Variants in FAM107A observed in about 807,000 individuals in gnomAD.
The protein encoded by FAM107A is family with sequence similarity 107 member A, also known as actin-associated protein FAM107A.
FAM107A carries 19 observed loss-of-function variants against 13.7 expected under a neutral mutation model. That is an observed-to-expected ratio of 1.38 (90% CI 0.97 to 2.03). The LOEUF is 2.03. FAM107A is among the 30% of genes most tolerant of loss of function. The pLI, the probability that FAM107A is intolerant of heterozygous loss-of-function variation, is 0.00. For synonymous variants in FAM107A, 82 were observed against 74.5 expected, an observed-to-expected ratio of 1.10 and a Z score of -0.52; for missense variants, 203 against 184.4, an observed-to-expected ratio of 1.10 and a Z score of -0.58.
At chr3:58,605,422 CCTTTTG>C (rs2065785171) in intron 1 of FAM107A, among the ~76,000 whole-genome samples, 1 of 152,190 alleles carries the variant, frequency 6.6e-6, no homozygotes, top group Admixed American at 6.5e-5. Flanking sequence ...CTTGCAGATT[CCTTTTG>C]CTTTAGTTGC....
At chr3:58,579,171 T>C (rs1167781050), upstream of FAM107A, among the ~76,000 whole-genome samples, 1 of 151,994 alleles carries the variant, frequency 6.6e-6, no homozygotes, top group Non-Finnish European at 1.5e-5. Context: ...TCTGTACACA[T>C]GGGAGAGTCT....
intron 3 of FAM107A, 86 bp downstream of exon 3, chr3:58,567,122 T>C: frequency 6.7e-7 from 1 of 1,495,324 alleles, no homozygotes; most frequent in East Asian, 2.3e-5. Flanking sequence ...TCCTCTTCCC[T>C]CTTACTAGCT....
At chr3:58,587,009 C>T in exon 1 of FAM107A, 1 of 1,414,150 alleles carries the variant, frequency 7.1e-7, no homozygotes, top group South Asian at 1.4e-5. Context: ...AGTCCGGAGC[C>T]GAAGCGCCTC....
intron 1 of FAM107A, among the ~76,000 whole-genome samples, chr3:58,620,618 G>T (rs2065945395): frequency 6.6e-6 from 1 of 152,256 alleles, no homozygotes; most frequent in Non-Finnish European, 1.5e-5. Context: ...GGCTGTGAGG[G>T]ATGACGCTGT....
At chr3:58,599,002 T>C (rs1262159280) in intron 1 of FAM107A, among the ~76,000 whole-genome samples, 1 of 152,186 alleles carries the variant, frequency 6.6e-6, no homozygotes, top group Non-Finnish European at 1.5e-5. Flanking sequence ...AGTGCGATGC[T>C]GGGATCTCGG....
intron 1 of FAM107A, among the ~76,000 whole-genome samples, chr3:58,606,833 A>T (rs1277607446): frequency 6.6e-6 from 1 of 151,844 alleles, no homozygotes; most frequent in African/African-American, 2.4e-5. Flanking sequence ...CCCAATACCT[A>T]TTTCTCCCTC....
At chr3:58,616,806 C>T (rs1427413055) in intron 1 of FAM107A, among the ~76,000 whole-genome samples, 1 of 152,068 alleles carries the variant, frequency 6.6e-6, no homozygotes, top group African/African-American at 2.4e-5. Context: ...CAGAGTCTTG[C>T]TCTGTCACCC....
intron 1 of FAM107A, among the ~76,000 whole-genome samples, chr3:58,573,026 A>T (rs761391474): frequency 7.1e-6 from 1 of 140,086 alleles, no homozygotes; most frequent in Non-Finnish European, 1.6e-5. Context: ...CCCTGGCTCA[A>T]TGACTTGCTC....
chr3:58,568,860 C>T (rs1193071815), intron 2 of FAM107A, among the ~76,000 whole-genome samples: 1 of 152,154 alleles, frequency 6.6e-6, no homozygotes, highest in Admixed American at 6.5e-5. Flanking sequence ...TTCTCCAATT[C>T]ACATCCCATC....
At chr3:58,598,493 G>A (rs4681871) in intron 1 of FAM107A, among the ~76,000 whole-genome samples, 27,185 of 152,154 alleles carry the variant, frequency 0.18, 3,230 homozygotes, top group East Asian at 0.46. Context: ...CTGGGTGGGA[G>A]CCACCCACCC....
intron 1 of FAM107A, among the ~76,000 whole-genome samples, chr3:58,599,429 C>G: frequency 6.6e-6 from 1 of 152,178 alleles, no homozygotes; most frequent in Admixed American, 6.5e-5. Context: ...ATTTTCCATA[C>G]TTGCCATCCG....
intron 1 of FAM107A, among the ~76,000 whole-genome samples, chr3:58,602,293 A>G (rs1450693076): frequency 6.6e-6 from 1 of 152,184 alleles, no homozygotes; most frequent in African/African-American, 2.4e-5. Context: ...TCAGATTGGC[A>G]AAAATGAAAA....
chr3:58,584,563 C>T lies in FAM107A; in HGVS notation c.79+2295G>A, dbSNP rs75135638. ...CAAGGTGCTTAAGCTCTCTGAACCT[C>T]GGTCTTCTTATCTCTTAAATGGAGA... On this transcript the variant is annotated intron_variant, in intron 1 of 3. Coordinates refer to the FAM107A transcript ENST00000447756. Among the ~76,000 whole-genome samples, 37 of 152,290 alleles carry T rather than the reference C, an allele frequency of 2.4e-4. 1 individual carries two copies. The East Asian group carries it at 7.1e-3, about 29-fold the overall frequency.
At chr3:58,623,677 G>A (rs548913082) in intron 1 of FAM107A, among the ~76,000 whole-genome samples, 1 of 152,336 alleles carries the variant, frequency 6.6e-6, no homozygotes, top group East Asian at 1.9e-4. Flanking sequence ...TGCTGTTTGA[G>A]AGGCCAGGCT....
chr3:58,587,932 CAG>C (rs1227291040), upstream of FAM107A, among the ~76,000 whole-genome samples: 2 of 152,136 alleles, frequency 1.3e-5, no homozygotes, highest in Non-Finnish European at 2.9e-5. Flanking sequence ...TAAGAAAAAA[CAG>C]AGACTCAGAG....
chr3:58,599,235 C>G (rs11130657), intron 1 of FAM107A, among the ~76,000 whole-genome samples: 29,181 of 152,162 alleles, frequency 0.19, 3,475 homozygotes, highest in East Asian at 0.46. Context: ...AGCCATCGCA[C>G]CTAGCCTCAA....
chr3:58,615,482 T>G (rs1008713750), intron 1 of FAM107A, among the ~76,000 whole-genome samples: 2 of 152,198 alleles, frequency 1.3e-5, no homozygotes, highest in Admixed American at 1.3e-4. Flanking sequence ...GACAACATGC[T>G]GATGGGGAAA....
chr3:58,605,354 C>A (rs1435587328), intron 1 of FAM107A, among the ~76,000 whole-genome samples: 1 of 152,224 alleles, frequency 6.6e-6, no homozygotes, highest in Non-Finnish European at 1.5e-5. Flanking sequence ...CATGGGGGAC[C>A]CCCACACAGA....
rs140130365 is a variant in FAM107A at position 58,569,801 on chromosome 3, T to C, written c.60A>G (p.Glu20=). Residue 20 remains glutamate (E), a synonymous_variant, in exon 2 of 4, where the codon GAA becomes GAG. Coordinates refer to ENST00000360997, the MANE Select transcript of FAM107A (RefSeq NM_001076778.3). The surrounding 1 kb of genome is among the most constrained non-coding windows in gnomAD (Gnocchi z 5.7). ...TGAGCTCCGGATTCCACTCTCTGTA[T>C]TCTGGCCGGGCCATCAGGCCCCCAA... ...ADIGGLMARP[E]YREWNPELIK... 799 of 1,614,180 alleles carry C rather than the reference T, an allele frequency of 4.9e-4. 1 individual carries two copies. Among genetic ancestry groups the C allele is most frequent in the South Asian group, 1.6e-3 (143 of 91,082 alleles).
Sources: allele counts gnomAD v4.1 joint callset (sites outside exome capture counted in the v4.1 genomes callset), GRCh38; gene constraint gnomAD v4.1.1; non-coding constraint Gnocchi (gnomAD v3.1); transcripts MANE v1.5; gene names NCBI Gene and HGNC (gene_info 2026-07-23, HGNC 2026-07-21).